Variants in KIF19 observed in about 807,000 individuals in gnomAD.
The protein encoded by KIF19 is kinesin-like protein KIF19.
KIF19 carries 98 observed loss-of-function variants against 106.6 expected under a neutral mutation model. The ratio of observed to expected loss-of-function variants is 0.92; its 90% CI spans 0.78 to 1.09. The LOEUF (loss-of-function observed/expected upper bound fraction) is 1.09, where lower values mean the gene tolerates loss of function less well. Ranked by LOEUF, KIF19 falls within the 50% of genes least tolerant of loss-of-function variation. KIF19 has a pLI of 0.00. For synonymous variants in KIF19, 516 were observed against 584.2 expected (o/e 0.88, Z 1.68); for missense variants, 1,373 against 1,414.3 (o/e 0.97, Z 0.47).
chr17:74,330,871 C>T (rs552668188), intron 2 of KIF19, among the ~76,000 whole-genome samples: 1 of 152,298 alleles, frequency 6.6e-6, no homozygotes, highest in East Asian at 1.9e-4. Context: ...CTGAGGAGAG[C>T]TCTCCATGCA....
rs2054617457 is a variant in KIF19 at position 74,349,181 on chromosome 17, C to A, written c.1048-3C>A. The A allele has an allele frequency of 6.2e-7, 1 of 1,613,606 alleles. No individual in the cohort carries two copies. Among genetic ancestry groups the A allele is most frequent in the Admixed American group, 1.7e-5 (1 of 59,988 alleles). On this transcript the variant is annotated splice_polypyrimidine_tract_variant and splice_region_variant and intron_variant, in intron 9 of 19. Coordinates refer to ENST00000389916, the MANE Select transcript of KIF19 (RefSeq NM_153209.4). The stretch of plus-strand genomic sequence containing the variant: ...CCCTCCGCTCCATACGTGTTCCCTG[C>A]AGGTGAAGCAGAACCTCCTGAACGT...
intron 13 of KIF19, 39 bp downstream of exon 13, chr17:74,352,176 G>C: frequency 6.3e-7 from 1 of 1,589,274 alleles, no homozygotes; most frequent in Non-Finnish European, 8.6e-7. Flanking sequence ...CCACCCGCGG[G>C]GGGGCCGCTG....
At position 74,355,335 on chromosome 17, in the gene KIF19, C is replaced by T; in HGVS notation, c.*23C>T. The T allele has an allele frequency of 6.3e-7, 1 of 1,587,150 alleles. No homozygotes were observed. Among genetic ancestry groups the T allele is most frequent in the Non-Finnish European group, 8.6e-7 (1 of 1,168,820 alleles). ...TGAGGGGCCCTGCCTGGAACTGGCT[C>T]TCTCACCTCCCAAGACTGAATGGGG... On this transcript the variant is annotated 3_prime_UTR_variant, in exon 20 of 20. Coordinates refer to ENST00000389916, the MANE Select transcript of KIF19 (RefSeq NM_153209.4).
chr17:74,353,107 C>T, intron 15 of KIF19, 89 bp from the exon 16 acceptor site: 1 of 1,403,366 alleles, frequency 7.1e-7, no homozygotes, highest in Non-Finnish European at 9.9e-7. Context: ...TCTCTCCTTT[C>T]ACACCAACAG....
At chr17:74,347,587 C>T (rs2054572168) in intron 8 of KIF19, among the ~76,000 whole-genome samples, 190 bp from the exon 9 acceptor site, 1 of 151,560 alleles carries the variant, frequency 6.6e-6, no homozygotes, top group Non-Finnish European at 1.5e-5. Context: ...ATTAAGGTTA[C>T]ACAGCTGGTA....
intron 2 of KIF19, among the ~76,000 whole-genome samples, chr17:74,332,446 G>T (rs1410521588): frequency 1.3e-5 from 2 of 152,034 alleles, no homozygotes; most frequent in African/African-American, 4.8e-5. Context: ...AGATCAAACA[G>T]CCGTCTCCTC....
rs949589001 is a variant in KIF19, at chr17:74,331,461, A to G, written c.120+2956A>G. On this transcript the variant is annotated intron_variant, in intron 2 of 19. Coordinates refer to ENST00000389916, the MANE Select transcript of KIF19 (RefSeq NM_153209.4). This position sits in a 1 kb window ranked among gnomAD's most constrained non-coding sequence, Gnocchi z 4.1. ...CATTGTTCTCCTGGGGACACTTCAA[A>G]TGAAGGAGATTGTGGCAACGAGGCT... Among the ~76,000 whole-genome samples the G allele has an allele frequency of 3.9e-5, 6 of 152,174 alleles. 2 individuals carry two copies.
At position 74,354,344 on chromosome 17, in the gene KIF19, C is replaced by CG. The variant is rs751775922; in HGVS notation, c.2493dup (p.Pro832AlafsTer12). ...GCCACCAGGCCCACTGGCCTGCAAG[C>CG]GGCCGCCCAGCCCCACACTACAGCA... is the stretch of plus-strand genomic sequence containing the variant. On this transcript the variant is annotated frameshift_variant, in exon 18 of 20. Transcript: ENST00000389916. LOFTEE classifies it high-confidence loss of function. The CG allele has an allele frequency of 7.5e-6, 12 of 1,605,464 alleles. No homozygotes were observed. Among genetic ancestry groups the CG allele is most frequent in the Non-Finnish European group, 1.0e-5 (12 of 1,176,578 alleles).
At chr17:74,342,187 T>A (rs950881267) in intron 3 of KIF19, among the ~76,000 whole-genome samples, 1 of 152,276 alleles carries the variant, frequency 6.6e-6, no homozygotes, top group Middle Eastern at 3.4e-3. Flanking sequence ...AAGGATGCAC[T>A]GGGGTTGGCA....
chr17:74,332,909 A>T (rs2054132173), intron 2 of KIF19, among the ~76,000 whole-genome samples: 1 of 152,236 alleles, frequency 6.6e-6, no homozygotes, highest in South Asian at 2.1e-4. Flanking sequence ...CTGCTTCCTC[A>T]TCAGAAGACA....
At position 74,351,988 on chromosome 17, in the gene KIF19, A is replaced by G; in HGVS notation, c.1709A>G (p.His570Arg). The G allele has an allele frequency of 1.3e-6, 2 of 1,537,760 alleles. No homozygotes were observed. Among genetic ancestry groups the G allele is most frequent in the Non-Finnish European group, 1.7e-6 (2 of 1,150,070 alleles). Residue 570 changes from histidine to arginine, a missense_variant, in exon 13 of 20, where the codon CAC becomes CGC. Coordinates refer to ENST00000389916, the MANE Select transcript of KIF19 (RefSeq NM_153209.4). ...REVLSLLCRVHELEVENTEMQ... is the reference protein window; with the variant it reads ...REVLSLLCRVRELEVENTEMQ... ...GTGCTCAGCCTGCTGTGCCGCGTGC[A>G]CGAGCTCGAGGTGGAGAACACCGAG...
chr17:74,341,063 G>A (rs1267367717), intron 2 of KIF19, among the ~76,000 whole-genome samples: 1 of 152,212 alleles, frequency 6.6e-6, no homozygotes, highest in Non-Finnish European at 1.5e-5. Flanking sequence ...GGCCGGGTGT[G>A]GTGGCTCATG....
intron 2 of KIF19, among the ~76,000 whole-genome samples, chr17:74,337,732 C>T (rs2054257807): frequency 6.6e-6 from 1 of 152,180 alleles, no homozygotes; most frequent in Non-Finnish European, 1.5e-5. Flanking sequence ...GGAAACCTGG[C>T]CTCCTTTTGC....
rs760536520 is a variant in KIF19, at chr17:74,341,964, C to A, written c.209C>A (p.Ala70Asp). 1.2e-6 allele frequency: 2 copies of A among 1,613,310 alleles called. No homozygotes were observed. Among genetic ancestry groups the A allele is most frequent in the South Asian group, 1.1e-5 (1 of 91,068 alleles). ...GAGAAGTCCTACCTGTTCGACGTGG[C>A]CTTTGACTTCACCGCCACCCAGGTG... ...SREKSYLFDV[A>D]FDFTATQEMV... The change falls in exon 3 of 20, where the codon GCC (alanine) becomes GAC (aspartate). Residue 70 changes from alanine to aspartate, a missense_variant. By Grantham distance (126) the Ala-to-Asp change is moderately radical. This residue lies in a region of KIF19 where 348 missense variants were observed against 389.5 expected (regional missense o/e 0.89). Coordinates refer to ENST00000389916, the MANE Select transcript of KIF19 (RefSeq NM_153209.4).
chr17:74,345,094 G>T (rs1214648926), intron 7 of KIF19, 139 bp downstream of exon 7: 9 of 821,060 alleles, frequency 1.1e-5, no homozygotes, highest in Non-Finnish European at 1.7e-5. Flanking sequence ...AGGGACGCTG[G>T]CATCTCAGCT....
rs576798340 is a variant in KIF19, at chr17:74,334,540, G to A, written c.120+6035G>A. Among the ~76,000 whole-genome samples, 19 of 152,278 alleles carry A rather than the reference G, an allele frequency of 1.2e-4. 1 individual carries two copies. In the South Asian group the frequency reaches 3.7e-3, roughly 30 times the overall value. On this transcript the variant is annotated intron_variant, in intron 2 of 19. Coordinates refer to ENST00000389916, the MANE Select transcript of KIF19 (RefSeq NM_153209.4). Reference sequence around the variant, plus strand: ...AATCTGACCAGGACATCAGCCAGGTGTGGCTGTGTCCTAAGCAGCCAGCTG... The same window carrying A: ...AATCTGACCAGGACATCAGCCAGGTATGGCTGTGTCCTAAGCAGCCAGCTG...
chr17:74,339,796 C>T (rs1399719720), intron 2 of KIF19, among the ~76,000 whole-genome samples: 3 of 152,234 alleles, frequency 2.0e-5, no homozygotes, highest in Non-Finnish European at 2.9e-5. Context: ...TCTCAGGGGG[C>T]ACCTCCGCGG....
rs530501840 is a variant in KIF19, at chr17:74,354,878, C to T, written c.2803C>T (p.Arg935Trp). Residue 935 changes from arginine to tryptophan, a missense_variant, in exon 19 of 20, where the codon CGG becomes TGG. This residue lies in a region of KIF19 where 1,020 missense variants were observed against 1,008.2 expected (regional missense o/e 1.01). Coordinates refer to ENST00000389916, the MANE Select transcript of KIF19 (RefSeq NM_153209.4). Reference protein sequence around the residue: ...PVCRHPAPGIRHLGKVTLPLA... With the variant: ...PVCRHPAPGIWHLGKVTLPLA... ...GTGCAGGCACCCAGCCCCTGGTATC[C>T]GGCATCTGGGAAAGGTCACGCTACC... 2.9e-5 allele frequency: 46 copies of T among 1,568,350 alleles called. No individual in the cohort carries two copies. Among genetic ancestry groups the T allele is most frequent in the Middle Eastern group, 3.3e-4 (2 of 6,012 alleles).
At position 74,353,314 on chromosome 17, in the gene KIF19, T is replaced by C; in HGVS notation, c.2220+13T>C. ...GGTGACGCAGGAGGTGAGCTCTCAG[T>C]ACCCGATGGCCCCACGAGCTCCACT... is the stretch of plus-strand genomic sequence containing the variant. On this transcript the variant is annotated intron_variant, in intron 16 of 19. Coordinates refer to ENST00000389916, the MANE Select transcript of KIF19 (RefSeq NM_153209.4). 1 of 1,556,300 alleles carries C rather than the reference T, an allele frequency of 6.4e-7. No homozygotes were observed. The highest frequency in any genetic ancestry group is 8.7e-7 in the Non-Finnish European group (1 of 1,148,978).
Sources: gnomAD v4.1 joint callset for allele counts (sites outside exome capture counted in the v4.1 genomes callset) on GRCh38, gnomAD v4.1.1 for gene constraint, gnomAD v4.1.1 regional missense constraint, Gnocchi (gnomAD v3.1) non-coding constraint, MANE v1.5 for transcripts, NCBI Gene and HGNC (gene_info 2026-07-23, HGNC 2026-07-21) for gene names.